Variants in FRMD4A observed in about 807,000 individuals in gnomAD.
FRMD4A encodes the protein FERM domain-containing protein 4A.
In FRMD4A, 29 loss-of-function variants were observed where a neutral mutation model predicts 129.1. The ratio of observed to expected loss-of-function variants is 0.22; its 90% CI spans 0.17 to 0.31. The LOEUF (loss-of-function observed/expected upper bound fraction) is 0.31. Ranked by LOEUF, FRMD4A falls within the 10% of genes least tolerant of loss-of-function variation. The probability of loss-of-function intolerance (pLI) is 1.00; values close to 1 mark genes in which losing one functional copy is unlikely to be tolerated. For missense variants in FRMD4A, 1,272 were observed against 1,375.8 expected (o/e 0.92, Z 1.19); for synonymous variants, 634 against 571.6 (o/e 1.11, Z -1.56).
chr10:13,741,206 T>C (rs550273402), intron 9 of FRMD4A, among the ~76,000 whole-genome samples: 62 of 151,264 alleles, frequency 4.1e-4, no homozygotes, highest in Non-Finnish European at 7.2e-4. Context: ...TCCCAGTGTT[T>C]AGGGAGGCTG....
At chr10:13,716,064 C>T (rs1172832797) in intron 12 of FRMD4A, among the ~76,000 whole-genome samples, 1 of 152,060 alleles carries the variant, frequency 6.6e-6, no homozygotes, top group Non-Finnish European at 1.5e-5. Context: ...TGAAAGACAA[C>T]TCATATGGTG....
chr10:13,989,388 G>A (rs4748070), intron 2 of FRMD4A, among the ~76,000 whole-genome samples: 52,085 of 151,806 alleles, frequency 0.34, 9,614 homozygotes, highest in East Asian at 0.72. Context: ...ACGGCGCCTC[G>A]CTCTGTCGCC....
intron 2 of FRMD4A, among the ~76,000 whole-genome samples, chr10:13,945,521 T>A (rs1345935814): frequency 1.3e-5 from 2 of 152,152 alleles, no homozygotes; most frequent in Non-Finnish European, 2.9e-5. Context: ...TCCATTTTAA[T>A]GGAACACAGT....
chr10:14,183,954 G>A (rs1325807436), intron 2 of FRMD4A, among the ~76,000 whole-genome samples: 2 of 152,084 alleles, frequency 1.3e-5, no homozygotes, highest in Non-Finnish European at 1.5e-5. Flanking sequence ...GAGAAATTAT[G>A]AGATATGGAA....
chr10:14,252,436 A>G (rs1280260408), intron 2 of FRMD4A, among the ~76,000 whole-genome samples: 1 of 152,234 alleles, frequency 6.6e-6, no homozygotes, highest in Non-Finnish European at 1.5e-5. Context: ...CTCTTTAGTA[A>G]CAGTTCTTGA....
At chr10:13,739,126 C>T (rs112108996) in intron 11 of FRMD4A, among the ~76,000 whole-genome samples, 4 of 152,266 alleles carry the variant, frequency 2.6e-5, no homozygotes, top group Admixed American at 6.5e-5. Flanking sequence ...ACTGGCATCA[C>T]GGTTTTGAAA....
Position 13,659,359 on chromosome 10 carries a change from A to C in FRMD4A, c.2030T>G (p.Leu677Arg), listed in dbSNP as rs1381088562. 3 of 1,613,990 alleles carry C rather than the reference A, an allele frequency of 1.9e-6. No individual in the cohort carries two copies. The highest frequency in any genetic ancestry group is 2.5e-6 in the Non-Finnish European group (3 of 1,179,954). Residue 677 changes from leucine (L) to arginine (R), a missense_variant, in exon 21 of 25, where the codon CTG becomes CGG. Coordinates refer to ENST00000357447, the MANE Select transcript of FRMD4A (RefSeq NM_018027.5). The stretch of plus-strand genomic sequence containing the variant: ...GACGTAGTGGGGACTCCGGACCCGC[A>C]GGTCTGGCGTGGACGGCATGCTGGA... ...SQSSMPSTPD[L>R]RVRSPHYVHS...
intron 2 of FRMD4A, among the ~76,000 whole-genome samples, chr10:14,172,945 C>T (rs549538016): frequency 6.6e-6 from 1 of 152,120 alleles, no homozygotes; most frequent in African/African-American, 2.4e-5. Context: ...GGGAAATTCT[C>T]GCAAAGGATG....
intron 2 of FRMD4A, among the ~76,000 whole-genome samples, chr10:14,264,160 TATC>T (rs1350258954): frequency 2.6e-5 from 4 of 152,164 alleles, no homozygotes; most frequent in African/African-American, 9.7e-5. Context: ...AGCTGGTAAT[TATC>T]ATTATGCCCA....
At chr10:14,039,430 C>A (rs1345634891) in intron 2 of FRMD4A, among the ~76,000 whole-genome samples, 2 of 148,646 alleles carry the variant, frequency 1.3e-5, no homozygotes. Context: ...ATCTATCTAT[C>A]TATATTGGAA....
chr10:14,013,419 T>C (rs2095688496), intron 2 of FRMD4A, among the ~76,000 whole-genome samples: 1 of 152,002 alleles, frequency 6.6e-6, no homozygotes, highest in Non-Finnish European at 1.5e-5. Flanking sequence ...AATCCCTCAA[T>C]GACCTCACCT....
At chr10:13,885,633 T>C in intron 2 of FRMD4A, among the ~76,000 whole-genome samples, 1 of 152,202 alleles carries the variant, frequency 6.6e-6, no homozygotes, top group East Asian at 1.9e-4. Context: ...TGCACGTGGT[T>C]TGTAGACTGC....
intron 2 of FRMD4A, among the ~76,000 whole-genome samples, chr10:14,101,203 C>A (rs1382161448): frequency 6.6e-6 from 1 of 152,186 alleles, no homozygotes; most frequent in East Asian, 1.9e-4. Context: ...TGTCTTCTCA[C>A]CTGTGATTTC....
chr10:14,257,475 A>T (rs1844656379), intron 2 of FRMD4A, among the ~76,000 whole-genome samples: 1 of 152,232 alleles, frequency 6.6e-6, no homozygotes, highest in Non-Finnish European at 1.5e-5. Context: ...GATTTTTAGC[A>T]AAGGTGTGCA....
rs191148466 is a variant in FRMD4A, at chr10:14,249,276, C to T, written c.45+80782G>A. ...CTGAGGCAGGAGAATCATTTGAACC[C>T]GGGAGGCAGAGTTTGCAGTGAGCTG... On this transcript the variant is annotated intron_variant, in intron 2 of 24. Coordinates refer to ENST00000357447, the MANE Select transcript of FRMD4A (RefSeq NM_018027.5). Among the ~76,000 whole-genome samples, 369 of 150,870 alleles carry T rather than the reference C, an allele frequency of 2.4e-3. 1 individual carries two copies. Among genetic ancestry groups the T allele is most frequent in the African/African-American group, 8.3e-3 (338 of 40,490 alleles).
chr10:13,877,250 G>T (rs1049143170), intron 2 of FRMD4A, among the ~76,000 whole-genome samples: 1 of 152,182 alleles, frequency 6.6e-6, no homozygotes, highest in Non-Finnish European at 1.5e-5. Context: ...AGGTTAGTAT[G>T]TCCTGCCAGG....
intron 2 of FRMD4A, among the ~76,000 whole-genome samples, chr10:14,032,933 C>T (rs11597570): frequency 0.049 from 7,396 of 152,238 alleles, 239 homozygotes; most frequent in Non-Finnish European, 0.072. Flanking sequence ...TACCCAAGAG[C>T]AATTCAAGTG....
chr10:14,129,204 C>T (rs754634671), intron 2 of FRMD4A, among the ~76,000 whole-genome samples: 310 of 151,602 alleles, frequency 2.0e-3, no homozygotes, highest in Non-Finnish European at 2.6e-3. Context: ...CCACTGTGAA[C>T]GATAGTGAAG....
At chr10:13,832,241 G>C (rs2093801537) in intron 3 of FRMD4A, among the ~76,000 whole-genome samples, 2 of 152,154 alleles carry the variant, frequency 1.3e-5, no homozygotes, top group Non-Finnish European at 2.9e-5. Context: ...ATCCCAAGCT[G>C]TCCTTTCTAG....
Sources: gnomAD v4.1 joint callset for allele counts (sites outside exome capture counted in the v4.1 genomes callset) on GRCh38, gnomAD v4.1.1 for gene constraint, MANE v1.5 for transcripts, NCBI Gene and HGNC (gene_info 2026-07-23, HGNC 2026-07-21) for gene names.